Variants in CIMIP2A observed in about 807,000 individuals in gnomAD.
CIMIP2A encodes the protein family with sequence similarity 166 member A.
At chr9:137,252,712 C>A in the CIMIP2A span, 1 of 1,553,506 alleles carries the variant, frequency 6.4e-7, no homozygotes, top group South Asian at 1.2e-5. Context: ...CCTTCCCCGC[C>A]TTCAGCTTCA....
the CIMIP2A span, chr9:137,244,567 CT>C: frequency 6.3e-7 from 1 of 1,582,858 alleles, no homozygotes; most frequent in South Asian, 1.1e-5. Flanking sequence ...TCAAGGCACC[CT>C]CCAGGGAAGC....
At chr9:137,245,775 G>C in the CIMIP2A span, 66 of 1,550,658 alleles carry the variant, frequency 4.3e-5, no homozygotes, top group Non-Finnish European at 5.5e-5. Flanking sequence ...GCACACTGGG[G>C]TCTGTGAGCA....
the CIMIP2A span, among the ~76,000 whole-genome samples, chr9:137,254,084 G>A: frequency 2.0e-5 from 3 of 152,212 alleles, no homozygotes; most frequent in African/African-American, 7.2e-5. Context: ...CCTTGCAGGA[G>A]CCTTACCTGC....
At chr9:137,247,941 G>A in the CIMIP2A span, among the ~76,000 whole-genome samples, 7 of 152,290 alleles carry the variant, frequency 4.6e-5, no homozygotes, top group South Asian at 6.2e-4. Context: ...CAGGTGGTCC[G>A]GGAGGAAGTC....
the CIMIP2A span, chr9:137,245,033 C>T: frequency 1.9e-6 from 3 of 1,610,088 alleles, no homozygotes; most frequent in East Asian, 2.2e-5. Flanking sequence ...TCTCACACTG[C>T]AAGAACCTTG....
At chr9:137,247,161 T>C in the CIMIP2A span, among the ~76,000 whole-genome samples, 1 of 152,214 alleles carries the variant, frequency 6.6e-6, no homozygotes, top group Non-Finnish European at 1.5e-5. Context: ...GGCAGATGCC[T>C]GTAATCCCAG....
the CIMIP2A span, among the ~76,000 whole-genome samples, chr9:137,249,788 G>C: frequency 2.0e-5 from 3 of 152,310 alleles, no homozygotes; most frequent in South Asian, 2.1e-4. Flanking sequence ...CTCTCTCTAC[G>C]CTTCTTCATT....
chr9:137,251,642 A>G, the CIMIP2A span: 1 of 1,405,940 alleles, frequency 7.1e-7, no homozygotes. Context: ...GGCTGGGAGC[A>G]GCCGGGGGCT....
At chr9:137,244,678 GC>G in the CIMIP2A span, 17 of 1,613,730 alleles carry the variant, frequency 1.1e-5, no homozygotes, top group Non-Finnish European at 1.3e-5. Context: ...CTTGCATGAC[GC>G]CGTCTCGGTA....
chr9:137,251,923 C>T, the CIMIP2A span: 1 of 1,600,256 alleles, frequency 6.2e-7, no homozygotes, highest in Non-Finnish European at 8.5e-7. Flanking sequence ...CCACCCCACC[C>T]CCAAGCTGGT....
the CIMIP2A span, chr9:137,244,759 G>A: frequency 6.2e-7 from 1 of 1,607,874 alleles, no homozygotes; most frequent in Admixed American, 1.7e-5. Flanking sequence ...AGATGTACGG[G>A]CTACCCCAAG....
the CIMIP2A span, chr9:137,247,741 C>T: frequency 1.9e-6 from 3 of 1,610,252 alleles, no homozygotes; most frequent in Middle Eastern, 3.3e-4. Context: ...GCCTTGCTGG[C>T]TCCAGTCCCT....
the CIMIP2A span, chr9:137,253,353 G>C: frequency 6.5e-7 from 1 of 1,543,142 alleles, no homozygotes; most frequent in Non-Finnish European, 8.7e-7. Context: ...CTGGCCTTCT[G>C]ACCCTCTGGG....
the CIMIP2A span, chr9:137,252,778 T>G: frequency 1.3e-6 from 2 of 1,562,104 alleles, no homozygotes; most frequent in East Asian, 2.4e-5. Context: ...TAGGGCTGCC[T>G]GGGGCTAGGG....
the CIMIP2A span, chr9:137,251,251 C>A: frequency 1.5e-6 from 2 of 1,367,560 alleles, no homozygotes; most frequent in Non-Finnish European, 2.1e-6. Context: ...CACAGAGCTC[C>A]GTGGTGCCGT....
the CIMIP2A span, chr9:137,252,642 C>CT: frequency 1.3e-5 from 20 of 1,533,138 alleles, no homozygotes; most frequent in Non-Finnish European, 1.7e-5. Context: ...CCCTGCAGCC[C>CT]GTCTCCTACC....
At chr9:137,243,969 G>A in the CIMIP2A span, among the ~76,000 whole-genome samples, 1 of 152,096 alleles carries the variant, frequency 6.6e-6, no homozygotes, top group Non-Finnish European at 1.5e-5. Context: ...GGCTCGGCCT[G>A]TGTCTGGGAC....
the CIMIP2A span, chr9:137,244,041 C>T: frequency 3.8e-6 from 4 of 1,047,574 alleles, no homozygotes; most frequent in South Asian, 1.4e-5. Flanking sequence ...CAATCCTACC[C>T]CAACCAAGGT....
the CIMIP2A span, chr9:137,245,990 C>T: frequency 1.7e-6 from 1 of 596,940 alleles, no homozygotes; most frequent in Non-Finnish European, 2.7e-6. Flanking sequence ...CGCCTGCCCT[C>T]TGCTCACCTG....
Sources: gnomAD v4.1 joint callset for allele counts (sites outside exome capture counted in the v4.1 genomes callset) on GRCh38, gnomAD v4.1.1 for gene constraint, MANE v1.5 for transcripts, NCBI Gene and HGNC (gene_info 2026-07-23, HGNC 2026-07-21) for gene names.